The following SYNPR variants were observed in gnomAD, a reference collection of about 807,000 sequenced individuals.
The protein encoded by SYNPR is synaptoporin.
A neutral mutation model predicts 32.9 loss-of-function variants in SYNPR; 23 were observed. The observed-to-expected ratio is 0.70, with a 90% CI of 0.50 to 0.99. The LOEUF is 0.99. Ranked by LOEUF, SYNPR falls within the 50% of genes least tolerant of loss-of-function variation. The pLI, the probability that SYNPR is intolerant of heterozygous loss-of-function variation, is 0.00. For missense variants in SYNPR, 318 were observed against 349.3 expected, an observed-to-expected ratio of 0.91 and a Z score of 0.71; for synonymous variants, 146 against 135.9, an observed-to-expected ratio of 1.07 and a Z score of -0.52.
chr3:63,588,716 C>T (rs1214204796), intron 4 of SYNPR, among the ~76,000 whole-genome samples: 3 of 152,068 alleles, frequency 2.0e-5, no homozygotes, highest in Admixed American at 6.6e-5. Flanking sequence ...TTTAGAAACA[C>T]TCAACAACCC....
chr3:63,329,788 C>A (rs1240415922), intron 2 of SYNPR, among the ~76,000 whole-genome samples: 1 of 152,118 alleles, frequency 6.6e-6, no homozygotes, highest in Non-Finnish European at 1.5e-5. Context: ...AGGATGAGAT[C>A]AATTTTTTCA....
intron 2 of SYNPR, among the ~76,000 whole-genome samples, chr3:63,447,507 A>G (rs968189948): frequency 1.3e-5 from 2 of 152,188 alleles, no homozygotes; most frequent in African/African-American, 4.8e-5. Flanking sequence ...TTCGTTAAAC[A>G]TTCTAGGCTG....
chr3:63,202,899 A>G, the SYNPR span, among the ~76,000 whole-genome samples: 3 of 152,076 alleles, frequency 2.0e-5, no homozygotes, highest in Non-Finnish European at 4.4e-5. Context: ...CTTGGAACAC[A>G]GTTTGGGAAA....
At chr3:63,436,173 C>G (rs762167252) in intron 2 of SYNPR, among the ~76,000 whole-genome samples, 103 of 151,882 alleles carry the variant, frequency 6.8e-4, no homozygotes, top group Admixed American at 1.5e-3. Flanking sequence ...AGGACGTGAG[C>G]CCCCAGGTGA....
At chr3:63,428,201 G>A (rs1470007632) in intron 2 of SYNPR, among the ~76,000 whole-genome samples, 1 of 152,182 alleles carries the variant, frequency 6.6e-6, no homozygotes, top group Non-Finnish European at 1.5e-5. Context: ...ATCTCAAAGA[G>A]TCATTATTCT....
At chr3:63,331,764 G>A (rs2087232842) in intron 2 of SYNPR, among the ~76,000 whole-genome samples, 1 of 152,222 alleles carries the variant, frequency 6.6e-6, no homozygotes, top group Admixed American at 6.5e-5. Context: ...GAAACTGAGA[G>A]AGGTTCAGAA....
At chr3:63,279,092 C>T (rs1371511115) in intron 2 of SYNPR, among the ~76,000 whole-genome samples, 1 of 152,142 alleles carries the variant, frequency 6.6e-6, no homozygotes, top group Non-Finnish European at 1.5e-5. Context: ...GGCCCCTCAC[C>T]TGGACCTTCG....
At chr3:63,337,929 T>C (rs1283929396) in intron 2 of SYNPR, among the ~76,000 whole-genome samples, 1 of 152,216 alleles carries the variant, frequency 6.6e-6, no homozygotes, top group Non-Finnish European at 1.5e-5. Flanking sequence ...TGTATGATAC[T>C]GTAATGGTGG....
chr3:63,489,546 A>G lies in SYNPR; in HGVS notation c.209+8590A>G, dbSNP rs116456945. 3.0e-3 allele frequency among the ~76,000 whole-genome samples: 451 copies of G among 152,254 alleles called. 1 individual carries two copies. The highest frequency in any genetic ancestry group is 1.0e-2 in the African/African-American group (414 of 41,554). The stretch of plus-strand genomic sequence containing the variant: ...GAATGACCCCATTCTGTATAATTTA[A>G]TTATTCTTATTAATTTTTTATTAAG... On this transcript the variant is annotated intron_variant, in intron 3 of 5. Transcript: ENST00000478300.
chr3:63,211,719 T>TA, the SYNPR span, among the ~76,000 whole-genome samples: 1 of 151,196 alleles, frequency 6.6e-6, no homozygotes, highest in Non-Finnish European at 1.5e-5. Flanking sequence ...TTTTTTTTTT[T>TA]TTATTATACT....
chr3:63,580,752 A>T (rs1240793761), intron 4 of SYNPR, among the ~76,000 whole-genome samples: 2 of 152,154 alleles, frequency 1.3e-5, no homozygotes, highest in African/African-American at 4.8e-5. Flanking sequence ...CATCCTTGAC[A>T]AGTTAGTCTC....
At chr3:63,349,108 A>ATT (rs34982859) in intron 2 of SYNPR, among the ~76,000 whole-genome samples, 3,454 of 148,428 alleles carry the variant, frequency 0.023, 90 homozygotes, top group South Asian at 0.085. Flanking sequence ...AACAACATTA[A>ATT]TTTTTTTTTT....
intron 2 of SYNPR, among the ~76,000 whole-genome samples, chr3:63,472,490 T>C (rs1043847523): frequency 3.9e-5 from 6 of 152,204 alleles, no homozygotes; most frequent in Non-Finnish European, 8.8e-5. Context: ...ACTATCATCA[T>C]CATCATTACA....
At chr3:63,250,739 A>G (rs1335793917) in intron 1 of SYNPR, among the ~76,000 whole-genome samples, 1 of 152,206 alleles carries the variant, frequency 6.6e-6, no homozygotes, top group East Asian at 1.9e-4. Context: ...AGAAAGTGAC[A>G]GAGCCAGAAT....
intron 2 of SYNPR, among the ~76,000 whole-genome samples, chr3:63,256,585 A>C (rs11720561): frequency 0.16 from 24,439 of 152,232 alleles, 2,286 homozygotes; most frequent in Non-Finnish European, 0.21. Flanking sequence ...CCATCATCAA[A>C]GACCAAATGT....
intron 4 of SYNPR, among the ~76,000 whole-genome samples, chr3:63,580,746 C>T (rs1703075433): frequency 6.6e-6 from 1 of 152,130 alleles, no homozygotes; most frequent in Non-Finnish European, 1.5e-5. Context: ...GGAATTCATC[C>T]TTGACAAGTT....
intron 2 of SYNPR, among the ~76,000 whole-genome samples, chr3:63,261,441 T>A (rs1409176665): frequency 6.6e-6 from 1 of 151,246 alleles, no homozygotes; most frequent in Non-Finnish European, 1.5e-5. Flanking sequence ...TTGGAAATCA[T>A]CATTCTCAGT....
intron 2 of SYNPR, among the ~76,000 whole-genome samples, chr3:63,462,734 G>A (rs1276574035): frequency 6.6e-6 from 1 of 152,158 alleles, no homozygotes; most frequent in African/African-American, 2.4e-5. Flanking sequence ...ACTGGGAAGA[G>A]ATGAAAACAT....
chr3:63,530,163 AG>A (rs1702085078), intron 3 of SYNPR, among the ~76,000 whole-genome samples: 1 of 152,156 alleles, frequency 6.6e-6, no homozygotes, highest in South Asian at 2.1e-4. Context: ...AGATAAAGGA[AG>A]GGGAAAAAAA....
Sources: gnomAD v4.1 joint callset for allele counts (sites outside exome capture counted in the v4.1 genomes callset) on GRCh38, gnomAD v4.1.1 for gene constraint, MANE v1.5 for transcripts, NCBI Gene and HGNC (gene_info 2026-07-23, HGNC 2026-07-21) for gene names.